The following CCNF variants were observed in gnomAD, a reference collection of about 807,000 sequenced individuals.
CCNF encodes cyclin F, also known as cyclin-F.
CCNF carries 30 observed loss-of-function variants against 85.4 expected under a neutral mutation model. The observed-to-expected ratio is 0.35, with a 90% confidence interval of 0.26 to 0.48. The LOEUF is 0.48. Ranked by LOEUF, CCNF falls within the 20% of genes least tolerant of loss-of-function variation. The pLI is 0.99. For synonymous variants in CCNF, 439 were observed against 425.1 expected, an observed-to-expected ratio of 1.03 and a Z score of -0.40; for missense variants, 919 against 1,010.4, an observed-to-expected ratio of 0.91 and a Z score of 1.23.
Position 2,452,953 on chromosome 16 carries a change from C to A in CCNF, c.1488-257C>A. On this transcript the variant is annotated intron_variant, in intron 13 of 16. Transcript: ENST00000397066. The surrounding 1 kb of genome is among the most constrained non-coding windows in gnomAD (Gnocchi z 4.1). ...CATCCCGCAGCTGGTGGACATTTTG[C>A]CTATTGTGAACAGTCCTGCCATGAA... is the stretch of plus-strand genomic sequence containing the variant. The A allele has an allele frequency of 1.9e-6, 1 of 532,556 alleles. No homozygotes were observed. Among genetic ancestry groups the A allele is most frequent in the Non-Finnish European group, 3.4e-6 (1 of 296,016 alleles). 33.0% of individuals were successfully genotyped at this position (532,556 alleles called of 1,614,324 possible).
intron 1 of CCNF, 81 bp downstream of exon 1, chr16:2,429,578 G>C (rs1208496502): frequency 3.8e-5 from 45 of 1,190,472 alleles, no homozygotes; most frequent in Non-Finnish European, 4.7e-5. Flanking sequence ...GGTCCCGCGG[G>C]AGGGGAGGCC....
At chr16:2,437,543 T>C (rs1316642421) in intron 5 of CCNF, 3 of 486,930 alleles carry the variant, frequency 6.2e-6, no homozygotes, top group African/African-American at 3.9e-5. Flanking sequence ...TGGGTACACG[T>C]GCTGACAGCT....
rs1182628199 is a variant in CCNF at position 2,456,770 on chromosome 16, C to G, written c.2111C>G (p.Ser704Cys). The change falls in exon 17 of 17, where the codon TCC becomes TGC. Residue 704 changes from serine (S) to cysteine (C), a missense_variant. Ser to Cys is a moderately radical substitution (Grantham distance 112, BLOSUM62 -1). Coordinates refer to ENST00000397066, the MANE Select transcript of CCNF (RefSeq NM_001761.3). The surrounding 1 kb of genome is among the most constrained non-coding windows in gnomAD (Gnocchi z 4.5). Reference protein sequence around the residue: ...GKDVTTSGYSSVSTASPTSSV... With the variant: ...GKDVTTSGYSCVSTASPTSSV... ...GACGTCACGACCTCAGGGTACTCCT[C>G]CGTCAGCACCGCAAGTCCCACAAGC... 18 of 1,613,138 alleles carry G rather than the reference C, an allele frequency of 1.1e-5. No individual in the cohort carries two copies. The highest frequency in any genetic ancestry group is 1.5e-5 in the Non-Finnish European group (18 of 1,179,618).
At chr16:2,442,216 C>T (rs1461742205) in intron 8 of CCNF, among the ~76,000 whole-genome samples, 4 of 140,930 alleles carry the variant, frequency 2.8e-5, no homozygotes, top group African/African-American at 5.2e-5. Flanking sequence ...ACCATGTTAG[C>T]CAGGATGGTC....
intron 3 of CCNF, among the ~76,000 whole-genome samples, chr16:2,434,977 G>A (rs1312692275): frequency 2.0e-5 from 3 of 152,110 alleles, no homozygotes; most frequent in Admixed American, 6.6e-5. Context: ...ATGTTCGACC[G>A]AGCGTGGTGG....
intron 15 of CCNF, among the ~76,000 whole-genome samples, chr16:2,454,122 G>A (rs1017462877): frequency 6.6e-6 from 1 of 152,272 alleles, no homozygotes; most frequent in Admixed American, 6.5e-5. Context: ...ATGTGCACCA[G>A]TAACCTTCCC....
chr16:2,454,932 C>T (rs1394920315), intron 15 of CCNF, among the ~76,000 whole-genome samples: 1 of 152,038 alleles, frequency 6.6e-6, no homozygotes, highest in African/African-American at 2.4e-5. Flanking sequence ...TGATGGCGGG[C>T]ACCTGTAGTC....
Position 2,439,121 on chromosome 16 carries a change from A to AACCCC in CCNF, c.595-231_595-227dup, listed in dbSNP as rs570537403. Among the ~76,000 whole-genome samples, 555 of 151,472 alleles carry AACCCC rather than the reference A, an allele frequency of 3.7e-3. 1 individual carries two copies. Among genetic ancestry groups the AACCCC allele is most frequent in the Non-Finnish European group, 6.0e-3 (404 of 67,876 alleles). On this transcript the variant is annotated intron_variant, in intron 6 of 16. Transcript: ENST00000397066. The stretch of plus-strand genomic sequence containing the variant: ...GAGACCAGCCTGGCCAACATGGTGA[A>AACCCC]ACCCCGTCTCTACTAAAAATACAAA...
Position 2,445,537 on chromosome 16 carries a change from T to A in CCNF, c.1009T>A (p.Cys337Ser). Reference protein sequence around the residue: ...TSLCLHLTVECVDRYLRRRLV... With the variant: ...TSLCLHLTVESVDRYLRRRLV... ...CCTGTGCCTGCACCTGACCGTGGAG[T>A]GTGTGGACCGGTACCTGCGGAGGAG... The change falls in exon 10 of 17, where the codon TGT becomes AGT. Residue 337 changes from cysteine to serine, a missense_variant. Transcript: ENST00000397066. The A allele has an allele frequency of 1.2e-6, 2 of 1,613,640 alleles. No homozygotes were observed. Among genetic ancestry groups the A allele is most frequent in the South Asian group, 2.2e-5 (2 of 91,058 alleles).
intron 15 of CCNF, 82 bp from the exon 16 acceptor site, chr16:2,455,313 G>C (rs569066021): frequency 5.4e-5 from 79 of 1,463,108 alleles, no homozygotes; most frequent in Non-Finnish European, 6.8e-5. Flanking sequence ...GGGCACGCGG[G>C]TGTTAGAGGC....
chr16:2,453,670 C>A lies in CCNF; in HGVS notation c.1715+133C>A. 2.5e-6 allele frequency: 3 copies of A among 1,192,974 alleles called. No individual in the cohort carries two copies. Among genetic ancestry groups the A allele is most frequent in the South Asian group, 2.8e-5 (2 of 72,314 alleles). The allele number at this position is 1,192,974 out of a possible 1,614,324, so 73.9% of individuals were successfully genotyped here. A position where few individuals can be genotyped will look rare whatever the true frequency, so the allele number is the denominator to read the frequency against. On this transcript the variant is annotated intron_variant, in intron 15 of 16. Transcript: ENST00000397066. The surrounding 1 kb of genome is among the most constrained non-coding windows in gnomAD (Gnocchi z 5.6). ...GAGCAGCAGATCCCAGGACAGTGAC[C>A]CTGGGACGGAGCCCTGCAGTCATGC...
chr16:2,438,595 T>C (rs2065304297), intron 6 of CCNF, among the ~76,000 whole-genome samples: 1 of 149,068 alleles, frequency 6.7e-6, no homozygotes. Flanking sequence ...TGAGCCGAGA[T>C]TGCACCACTG....
rs148159882 is a variant in CCNF at position 2,437,263 on chromosome 16, G to A, written c.481G>A (p.Gly161Arg). 130 of 1,610,172 alleles carry A rather than the reference G, an allele frequency of 8.1e-5. 1 individual carries two copies. Among genetic ancestry groups the A allele is most frequent in the Non-Finnish European group, 9.1e-5 (107 of 1,178,858 alleles). The change falls in exon 5 of 17, where the codon GGA (glycine) becomes AGA (arginine). Residue 161 changes from glycine (G) to arginine (R), a missense_variant. Physicochemically the swap from Gly to Arg is moderately radical, Grantham distance 125. Transcript: ENST00000397066. ...LFIRPPWSVS[G>R]SCCKAVVHES... is the part of the protein sequence containing the mutation. Reference sequence around the variant, plus strand: ...CATCCGCCCTCCGTGGTCGGTGAGCGGAAGCTGCTGCAAGGCCGTGGTTCA... The same window carrying A: ...CATCCGCCCTCCGTGGTCGGTGAGCAGAAGCTGCTGCAAGGCCGTGGTTCA...
chr16:2,456,616 T>G lies in CCNF; in HGVS notation c.1957T>G (p.Ser653Ala), dbSNP rs754607732. Reference sequence around the variant, plus strand: ...CCCAGAACAGCATTGCTGCCAGGAATCCAGTGATGAGGAGGCTTGTCCAGA... The same window carrying G: ...CCCAGAACAGCATTGCTGCCAGGAAGCCAGTGATGAGGAGGCTTGTCCAGA... The part of the protein sequence containing the change: ...LNPEQHCCQE[S>A]SDEEACPEDK... Residue 653 changes from serine to alanine, a missense_variant, in exon 17 of 17, where the codon TCC becomes GCC. Ser to Ala is a moderately conservative substitution (Grantham distance 99). Around this residue, in one of 3 missense-constraint regions of CCNF, gnomAD observed 505 missense variants for 514.8 expected, o/e 0.98. Transcript: ENST00000397066. The surrounding 1 kb of genome is among the most constrained non-coding windows in gnomAD (Gnocchi z 4.5). 1.2e-5 allele frequency: 19 copies of G among 1,606,104 alleles called. No homozygotes were observed. The East Asian group carries it at 4.0e-4, about 34-fold the overall frequency.
At chr16:2,440,923 G>A (rs1017798195) in intron 8 of CCNF, among the ~76,000 whole-genome samples, 4 of 152,130 alleles carry the variant, frequency 2.6e-5, no homozygotes, top group East Asian at 1.9e-4. Context: ...ACTCCATCTC[G>A]ACAAAAAATT....
At chr16:2,430,378 G>A (rs2065256527) in intron 1 of CCNF, among the ~76,000 whole-genome samples, 1 of 152,142 alleles carries the variant, frequency 6.6e-6, no homozygotes, top group East Asian at 1.9e-4. Flanking sequence ...AGTAGGAGTT[G>A]GAAAATCCGG....
chr16:2,456,889 A>G lies in CCNF; in HGVS notation c.2230A>G (p.Arg744Gly), dbSNP rs2065431810. 2 of 1,614,072 alleles carry G rather than the reference A, an allele frequency of 1.2e-6. No homozygotes were observed. Among genetic ancestry groups the G allele is most frequent in the Admixed American group, 1.7e-5 (1 of 60,012 alleles). ...SHTQPCHHQA[R>G]KSCLQCRPPS... is the part of the protein sequence containing the mutation. ...CACACAGCCCTGCCACCATCAGGCC[A>G]GGAAGTCATGTTTACAGTGTCGTCC... The change falls in exon 17 of 17, where the codon AGG (arginine) becomes GGG (glycine). Residue 744 changes from arginine (R) to glycine (G), a missense_variant. Physicochemically the swap from Arg to Gly is moderately radical, Grantham distance 125. Around this residue, in one of 3 missense-constraint regions of CCNF, gnomAD observed 505 missense variants for 514.8 expected, o/e 0.98. Transcript: ENST00000397066. This position sits in a 1 kb window ranked among gnomAD's most constrained non-coding sequence, Gnocchi z 4.5.
intron 8 of CCNF, among the ~76,000 whole-genome samples, chr16:2,442,154 G>GCC (rs1485724844): frequency 8.4e-5 from 12 of 143,156 alleles, no homozygotes; most frequent in African/African-American, 2.8e-4. Context: ...TACAGGCATT[G>GCC]CACCACCACG....
intron 3 of CCNF, among the ~76,000 whole-genome samples, chr16:2,435,249 C>CAAAAAAAAAAAAAAA: frequency 2.8e-5 from 1 of 35,402 alleles, no homozygotes; most frequent in East Asian, 8.0e-4. Flanking sequence ...GACTCCGTCT[C>CAAAAAAAAAAAAAAA]AAAAAAAAAA....
Sources: gnomAD v4.1 joint callset for allele counts (sites outside exome capture counted in the v4.1 genomes callset) on GRCh38, gnomAD v4.1.1 for gene constraint, gnomAD v4.1.1 regional missense constraint, Gnocchi (gnomAD v3.1) non-coding constraint, MANE v1.5 for transcripts, NCBI Gene and HGNC (gene_info 2026-07-23, HGNC 2026-07-21) for gene names.